Variants in USF3 observed in about 807,000 individuals in gnomAD.
The protein encoded by USF3 is upstream transcription factor family member 3, also known as basic helix-loop-helix domain-containing protein USF3.
In USF3, 29 loss-of-function variants were observed where a neutral mutation model predicts 157.5. The ratio of observed to expected loss-of-function variants is 0.18; its 90% CI spans 0.14 to 0.25. The LOEUF is 0.25. Among genes scored for constraint, USF3 ranks in the 10% least tolerant of loss-of-function variants. The pLI, the probability that USF3 is intolerant of heterozygous loss-of-function variation, is 1.00. For synonymous variants in USF3, 893 were observed against 941.4 expected (o/e 0.95, Z 0.94); for missense variants, 2,381 against 2,667.6 (o/e 0.89, Z 2.37).
At chr3:113,669,130 T>A (rs1707082708) in intron 5 of USF3, among the ~76,000 whole-genome samples, 1 of 152,110 alleles carries the variant, frequency 6.6e-6, no homozygotes, top group Non-Finnish European at 1.5e-5. Context: ...CAACCATGAA[T>A]AATATTTACA....
At position 113,657,195 on chromosome 3, in the gene USF3, G is replaced by A. The variant is rs1947377424; in HGVS notation, c.4487C>T (p.Pro1496Leu). 1 of 1,614,088 alleles carries A rather than the reference G, an allele frequency of 6.2e-7. No homozygotes were observed. The highest frequency in any genetic ancestry group is 8.5e-7 in the Non-Finnish European group (1 of 1,180,020). The stretch of plus-strand genomic sequence containing the variant: ...AGAGTGGACAGAGCTCTCTGCATGA[G>A]GTACATGATGCTGCATTTGATATAA... ...HHLYQMQHHV[P>L]HAESSVHSQP... is the part of the protein sequence containing the mutation. The change falls in exon 7 of 7, where the codon CCT (proline) becomes CTT (leucine). Residue 1496 changes from proline to leucine, a missense_variant. Physicochemically the swap from Pro to Leu is moderately conservative, Grantham distance 98 (BLOSUM62 -3). Around this residue, in one of 6 missense-constraint regions of USF3, gnomAD observed 50 missense variants for 79.7 expected, o/e 0.63. Coordinates refer to ENST00000316407, the MANE Select transcript of USF3 (RefSeq NM_001009899.4).
rs77336911 is a variant in USF3, at chr3:113,669,314, TA to T, written c.159+806del. On this transcript the variant is annotated intron_variant, in intron 5 of 6. Coordinates refer to ENST00000316407, the MANE Select transcript of USF3 (RefSeq NM_001009899.4). ...AGTATGCTATTTAGAAATATAACAG[TA>T]AAAAAAAAAAAACACAGAAGAAACA... is the stretch of plus-strand genomic sequence containing the variant. Among the ~76,000 whole-genome samples the T allele has an allele frequency of 6.0e-3, 837 of 140,442 alleles. 13 individuals are homozygous for T. The highest frequency in any genetic ancestry group is 0.034 in the Admixed American group (472 of 14,030). 92.1% of individuals were successfully genotyped at this position (140,442 alleles called of 152,430 possible).
At chr3:113,666,294 G>A (rs1266788555) in intron 5 of USF3, among the ~76,000 whole-genome samples, 5 of 124,948 alleles carry the variant, frequency 4.0e-5, no homozygotes, top group Middle Eastern at 5.3e-3. Flanking sequence ...CTCTGTGGCC[G>A]AGGCTGGAGT....
At chr3:113,671,119 T>C (rs1454905941) in intron 4 of USF3, among the ~76,000 whole-genome samples, 1 of 152,224 alleles carries the variant, frequency 6.6e-6, no homozygotes, top group Non-Finnish European at 1.5e-5. Flanking sequence ...AATATTTCAT[T>C]ACTACTAGGC....
chr3:113,692,493 T>C (rs909794907), intron 1 of USF3, among the ~76,000 whole-genome samples: 1 of 152,202 alleles, frequency 6.6e-6, no homozygotes, highest in Admixed American at 6.5e-5. Context: ...AAAGAATATC[T>C]GGTCTTTCCT....
In USF3 at chr3:113,656,410, T is replaced by C. The variant is rs375894424; in HGVS notation, c.5272A>G (p.Asn1758Asp). Residue 1758 changes from asparagine (N) to aspartate (D), a missense_variant, in exon 7 of 7, where the codon AAT becomes GAT. Around this residue, in one of 6 missense-constraint regions of USF3, gnomAD observed 770 missense variants for 824.2 expected, o/e 0.93. Transcript: ENST00000316407. Reference sequence around the variant, plus strand: ...GATGATACAGGGTTACCTATTTCATTGTTTCTTGAAGATTGTACTTCAAAA... The same window carrying C: ...GATGATACAGGGTTACCTATTTCATCGTTTCTTGAAGATTGTACTTCAAAA... ...SNFEVQSSRN[N>D]EIGNPVSSLR... The C allele has an allele frequency of 2.4e-5, 38 of 1,614,096 alleles. No individual in the cohort carries two copies. Among genetic ancestry groups the C allele is most frequent in the Non-Finnish European group, 3.1e-5 (37 of 1,180,052 alleles).
Position 113,660,710 on chromosome 3 carries a change from T to TTTCC in USF3, c.971_972insGGAA (p.Ile324MetfsTer8). ...TTTGAAAATCACCTCTGAAGTCCTG[T>TTTCC]ATGCTCAGGCAGGACTTGTTTCCAT... On this transcript the variant is annotated frameshift_variant, in exon 7 of 7. Transcript: ENST00000316407. LOFTEE classifies it high-confidence loss of function. The TTTCC allele has an allele frequency of 6.2e-7, 1 of 1,614,214 alleles. No homozygotes were observed. The highest frequency in any genetic ancestry group is 8.5e-7 in the Non-Finnish European group (1 of 1,180,026).
intron 1 of USF3, among the ~76,000 whole-genome samples, chr3:113,679,174 A>T (rs1707353430): frequency 6.6e-6 from 1 of 152,142 alleles, no homozygotes; most frequent in South Asian, 2.1e-4. Flanking sequence ...TCTCTGAATT[A>T]TTATGCTTTT....
intron 5 of USF3, among the ~76,000 whole-genome samples, chr3:113,666,460 C>A (rs560934737): frequency 2.0e-5 from 3 of 150,068 alleles, no homozygotes; most frequent in South Asian, 4.2e-4. Flanking sequence ...ACCATGTTGG[C>A]CAGGCTGGTC....
intron 2 of USF3, 111 bp from the exon 3 acceptor site, chr3:113,675,007 C>A: frequency 1.4e-6 from 1 of 697,078 alleles, no homozygotes; most frequent in Non-Finnish European, 2.6e-6. Context: ...ATAAAATTGA[C>A]ATTGAAAAGC....
rs906571217 is a variant in USF3 at position 113,654,667 on chromosome 3, T to A, written c.*277A>T. On this transcript the variant is annotated 3_prime_UTR_variant, in exon 7 of 7. Transcript: ENST00000316407. Reference sequence around the variant, plus strand: ...ACATGACAAGATGATCTCCCCCAATTTCCAGCTAATTAGTATTTAGGAAAT... The same window carrying A: ...ACATGACAAGATGATCTCCCCCAATATCCAGCTAATTAGTATTTAGGAAAT... 1 of 393,914 alleles carries A rather than the reference T, an allele frequency of 2.5e-6. No individual in the cohort carries two copies. Among genetic ancestry groups the A allele is most frequent in the Non-Finnish European group, 4.5e-6 (1 of 221,604 alleles). The allele number at this position is 393,914 out of a possible 1,614,324, so 24.4% of individuals were successfully genotyped here. A position where few individuals can be genotyped will look rare whatever the true frequency, so the allele number is the denominator to read the frequency against.
intron 5 of USF3, 24 bp downstream of exon 5, chr3:113,670,097 T>A: frequency 6.8e-7 from 1 of 1,479,384 alleles, no homozygotes. Flanking sequence ...AAGTAATGAA[T>A]GAAGATATGA....
chr3:113,690,718 G>A (rs1707664612), intron 1 of USF3, among the ~76,000 whole-genome samples: 1 of 151,988 alleles, frequency 6.6e-6, no homozygotes, highest in Non-Finnish European at 1.5e-5. Context: ...TTAAAGTCCG[G>A]TGCAAGTCTA....
In USF3 at chr3:113,694,780, C is replaced by T. The variant is rs545858401; in HGVS notation, c.-135+1590G>A. On this transcript the variant is annotated intron_variant, in intron 1 of 6. Transcript: ENST00000316407. ...AAATTTGAGGCCGGGCGCAGCGGCT[C>T]ATGCCTGTAATCCCAGCACTTTCGG... Among the ~76,000 whole-genome samples the T allele has an allele frequency of 3.9e-5, 6 of 152,366 alleles. No individual in the cohort carries two copies. In the East Asian group the frequency reaches 7.7e-4, roughly 20 times the overall value.
At position 113,658,937 on chromosome 3, in the gene USF3, A is replaced by G; in HGVS notation, c.2745T>C (p.Asn915=). ...TATCCTGAGATGTCTCTTGTTGTAG[A>G]TTAGGGGTAGAATCTTTGGATTTTG... ...AAAKSKDSTP[N]LQQETSQDKP... Residue 915 remains asparagine, a synonymous_variant, in exon 7 of 7, where the codon AAT becomes AAC. Coordinates refer to ENST00000316407, the MANE Select transcript of USF3 (RefSeq NM_001009899.4). The G allele has an allele frequency of 1.2e-6, 2 of 1,614,150 alleles. No homozygotes were observed. The highest frequency in any genetic ancestry group is 1.7e-6 in the Non-Finnish European group (2 of 1,180,012).
At position 113,660,422 on chromosome 3, in the gene USF3, A is replaced by G. The variant is rs1431693929; in HGVS notation, c.1260T>C (p.Leu420=). 1.9e-6 allele frequency: 3 copies of G among 1,614,070 alleles called. No individual in the cohort carries two copies. Among genetic ancestry groups the G allele is most frequent in the Non-Finnish European group, 2.5e-6 (3 of 1,180,012 alleles). ...STSDLKNINS[L]TRISSAGNTQ... is the part of the protein sequence containing the mutation. The stretch of plus-strand genomic sequence containing the variant: ...TGTTTCCAGCTGAAGAGATTCGTGT[A>G]AGGCTATTAATGTTTTTCAAATCTG... Residue 420 remains leucine (L), a synonymous_variant, in exon 7 of 7, where the codon CTT becomes CTC. Transcript: ENST00000316407.
intron 1 of USF3, among the ~76,000 whole-genome samples, chr3:113,687,915 A>C (rs1411573919): frequency 2.0e-5 from 3 of 152,256 alleles, no homozygotes; most frequent in Non-Finnish European, 4.4e-5. Context: ...TAGTATAGCT[A>C]AATTTATACA....
intron 6 of USF3, among the ~76,000 whole-genome samples, chr3:113,662,285 C>T (rs1170966662): frequency 6.6e-6 from 1 of 152,244 alleles, no homozygotes; most frequent in African/African-American, 2.4e-5. Flanking sequence ...CTGCACTTTG[C>T]TTGGTAGGGA....
At chr3:113,679,108 C>T (rs1264356317) in intron 1 of USF3, among the ~76,000 whole-genome samples, 1 of 151,714 alleles carries the variant, frequency 6.6e-6, no homozygotes, top group Non-Finnish European at 1.5e-5. Flanking sequence ...CTGCACCTGG[C>T]TCCATTAATA....
Sources: gnomAD v4.1 joint callset for allele counts (sites outside exome capture counted in the v4.1 genomes callset) on GRCh38, gnomAD v4.1.1 for gene constraint, gnomAD v4.1.1 regional missense constraint, MANE v1.5 for transcripts, NCBI Gene and HGNC (gene_info 2026-07-23, HGNC 2026-07-21) for gene names.